PTPRG: variants seen among roughly 807,000 people sequenced by gnomAD.
PTPRG encodes receptor-type tyrosine-protein phosphatase gamma.
PTPRG carries 102 observed loss-of-function variants against 165.3 expected under a neutral mutation model. The ratio of observed to expected loss-of-function variants is 0.62; its 90% confidence interval spans 0.53 to 0.73. The LOEUF is 0.73. Ranked by LOEUF, PTPRG falls within the 30% of genes least tolerant of loss-of-function variation. The pLI, the probability that PTPRG is intolerant of heterozygous loss-of-function variation, is 0.00. For missense variants in PTPRG, 1,866 were observed against 1,861.4 expected (o/e 1.00, Z -0.05); for synonymous variants, 675 against 669.5 (o/e 1.01, Z -0.13).
intron 8 of PTPRG, among the ~76,000 whole-genome samples, chr3:62,172,858 G>C (rs538776327): frequency 6.6e-6 from 1 of 152,234 alleles, no homozygotes; most frequent in African/African-American, 2.4e-5. Context: ...GCCCAGGAAA[G>C]CTATGATGTT....
At chr3:61,706,824 C>A (rs906714702) in intron 1 of PTPRG, among the ~76,000 whole-genome samples, 1 of 151,904 alleles carries the variant, frequency 6.6e-6, no homozygotes, top group Non-Finnish European at 1.5e-5. Flanking sequence ...AACTAGAAAG[C>A]AATATATGAA....
In PTPRG at chr3:62,252,289, T is replaced by C. The variant is rs1006594370; in HGVS notation, c.2468-2835T>C. On this transcript the variant is annotated intron_variant, in intron 15 of 29. Transcript: ENST00000474889. The surrounding 1 kb of genome is among the most constrained non-coding windows in gnomAD (Gnocchi z 4.6). ...ATCTCCCTAATATCTGGCTGAATAC[T>C]AGGTGCTCAGAAACGGCTTCATCCA... 1.3e-5 allele frequency among the ~76,000 whole-genome samples: 2 copies of C among 152,210 alleles called. No homozygotes were observed. The highest frequency in any genetic ancestry group is 2.9e-5 in the Non-Finnish European group (2 of 68,030).
intron 17 of PTPRG, among the ~76,000 whole-genome samples, chr3:62,267,079 G>A (rs1474533266): frequency 6.6e-6 from 1 of 151,954 alleles, no homozygotes; most frequent in Non-Finnish European, 1.5e-5. Context: ...TATTAATGGG[G>A]AGGGAACAGG....
At chr3:61,839,801 T>TGCTTCCC (rs2036571042) in intron 2 of PTPRG, among the ~76,000 whole-genome samples, 1 of 152,196 alleles carries the variant, frequency 6.6e-6, no homozygotes, top group South Asian at 2.1e-4. Flanking sequence ...GTACCATACC[T>TGCTTCCC]GCTTCCCTCA....
intron 5 of PTPRG, among the ~76,000 whole-genome samples, chr3:62,085,999 CAAGA>C (rs1168821421): frequency 1.3e-5 from 2 of 152,110 alleles, no homozygotes; most frequent in East Asian, 3.9e-4. Flanking sequence ...GATAAAATCT[CAAGA>C]GAATAATGCA....
intron 2 of PTPRG, among the ~76,000 whole-genome samples, chr3:61,859,671 C>T (rs2037207842): frequency 6.6e-6 from 1 of 151,436 alleles, no homozygotes; most frequent in Non-Finnish European, 1.5e-5. Context: ...ACTTGAGTTA[C>T]AGAAAGGCAA....
chr3:62,019,684 T>G (rs2041639342), intron 4 of PTPRG, among the ~76,000 whole-genome samples: 1 of 151,876 alleles, frequency 6.6e-6, no homozygotes, highest in Non-Finnish European at 1.5e-5. Flanking sequence ...GTACGGGAGG[T>G]GATGGATGTG....
At chr3:61,750,076 G>A (rs2106919938) in intron 2 of PTPRG, 1 of 152,288 alleles carries the variant, frequency 6.6e-6, no homozygotes, top group East Asian at 1.9e-4. Flanking sequence ...TTGTTTTGCA[G>A]TGAACAGATA....
At chr3:61,640,018 A>G (rs1274754794) in intron 1 of PTPRG, among the ~76,000 whole-genome samples, 2 of 152,184 alleles carry the variant, frequency 1.3e-5, no homozygotes, top group Non-Finnish European at 2.9e-5. Flanking sequence ...CATACTAAGT[A>G]TGGAGTGGTA....
intron 2 of PTPRG, among the ~76,000 whole-genome samples, chr3:61,948,014 C>T (rs554392024): frequency 4.4e-4 from 67 of 152,082 alleles, no homozygotes; most frequent in African/African-American, 1.6e-3. Context: ...AAACACGTAT[C>T]CCATAGGAAA....
At chr3:61,575,758 C>G (rs932723008) in intron 1 of PTPRG, among the ~76,000 whole-genome samples, 2 of 152,018 alleles carry the variant, frequency 1.3e-5, no homozygotes, top group Non-Finnish European at 1.5e-5. Flanking sequence ...TGCCACCACG[C>G]CCGGCTAATT....
intron 1 of PTPRG, among the ~76,000 whole-genome samples, chr3:61,600,171 A>T (rs61261878): frequency 0.28 from 28,984 of 103,672 alleles, 3,569 homozygotes; most frequent in South Asian, 0.37. Flanking sequence ...AAAAAAAAAA[A>T]AAATATATAT....
At chr3:61,661,978 G>T (rs377571828) in intron 1 of PTPRG, among the ~76,000 whole-genome samples, 3 of 152,034 alleles carry the variant, frequency 2.0e-5, no homozygotes, top group East Asian at 3.9e-4. Context: ...ATACATGTTG[G>T]TGTAGCTAGC....
At chr3:62,016,275 C>G (rs1314861498) in intron 4 of PTPRG, among the ~76,000 whole-genome samples, 1 of 152,152 alleles carries the variant, frequency 6.6e-6, no homozygotes, top group Non-Finnish European at 1.5e-5. Context: ...TCAAGCAATT[C>G]TCCTGCTTCT....
chr3:61,590,553 T>C (rs188894948), intron 1 of PTPRG, among the ~76,000 whole-genome samples: 1 of 152,162 alleles, frequency 6.6e-6, no homozygotes, highest in East Asian at 1.9e-4. Flanking sequence ...CATAAATACG[T>C]TTTTTTCTTA....
intron 1 of PTPRG, among the ~76,000 whole-genome samples, chr3:61,612,179 G>C (rs1006383505): frequency 1.3e-5 from 2 of 152,168 alleles, no homozygotes; most frequent in African/African-American, 4.8e-5. Context: ...CTGACCTCAG[G>C]TGATCCACCT....
chr3:62,069,674 T>TCACACACA (rs1263078272), intron 4 of PTPRG, among the ~76,000 whole-genome samples: 10 of 28,886 alleles, frequency 3.5e-4, no homozygotes, highest in African/African-American at 6.7e-4. Context: ...TCTCTCTCTC[T>TCACACACA]CTCTCTCTCT....
At chr3:61,982,465 T>C (rs1348071680) in intron 2 of PTPRG, among the ~76,000 whole-genome samples, 1 of 152,184 alleles carries the variant, frequency 6.6e-6, no homozygotes, top group African/African-American at 2.4e-5. Flanking sequence ...CACCTAAACA[T>C]GCATAGGTCA....
At chr3:61,826,500 C>A (rs960557666) in intron 2 of PTPRG, among the ~76,000 whole-genome samples, 3 of 149,736 alleles carry the variant, frequency 2.0e-5, no homozygotes, top group African/African-American at 2.4e-5. Flanking sequence ...CCAGTCCTTT[C>A]TTCCACATCT....
Sources: allele counts gnomAD v4.1 joint callset (sites outside exome capture counted in the v4.1 genomes callset), GRCh38; gene constraint gnomAD v4.1.1; non-coding constraint Gnocchi (gnomAD v3.1); transcripts MANE v1.5; gene names NCBI Gene and HGNC (gene_info 2026-07-23, HGNC 2026-07-21).